The following NPLOC4 variants were observed in gnomAD, a reference collection of about 807,000 sequenced individuals.
NPLOC4 encodes the protein nuclear protein localization protein 4 homolog.
NPLOC4 carries 18 observed loss-of-function variants against 80.6 expected under a neutral mutation model. That is an observed-to-expected ratio of 0.22 (90% CI 0.15 to 0.33). NPLOC4 has a LOEUF of 0.33. Ranked by LOEUF, NPLOC4 falls within the 10% of genes least tolerant of loss-of-function variation. NPLOC4 has a pLI of 1.00. For synonymous variants in NPLOC4, 313 were observed against 301.5 expected, an observed-to-expected ratio of 1.04 and a Z score of -0.39; for missense variants, 540 against 786.1, an observed-to-expected ratio of 0.69 and a Z score of 3.74.
intron 6 of NPLOC4, among the ~76,000 whole-genome samples, chr17:81,607,045 C>A (rs924942530): frequency 3.1e-4 from 47 of 152,314 alleles, no homozygotes; most frequent in African/African-American, 1.1e-3. Context: ...CAGGAACACA[C>A]AACTACTTTC....
At position 81,604,820 on chromosome 17, in the gene NPLOC4, C is replaced by A. The variant is rs954829392; in HGVS notation, c.655-93G>T. On this transcript the variant is annotated intron_variant, in intron 7 of 16. Transcript: ENST00000331134. ...ACAAACCATTCATAAATATCTTTTA[C>A]CTAGTTCTTTAAAAAACAAACCAAT... 2.7e-5 allele frequency: 33 copies of A among 1,205,510 alleles called. 1 individual carries two copies. The Middle Eastern group carries it at 5.9e-4, about 21-fold the overall frequency. 74.7% of individuals were successfully genotyped at this position (1,205,510 alleles called of 1,614,324 possible). A position where few individuals can be genotyped will look rare whatever the true frequency, so the allele number is the denominator to read the frequency against.
intron 2 of NPLOC4, among the ~76,000 whole-genome samples, chr17:81,627,408 ATGCATGGTGGG>A (rs1158217200): frequency 6.7e-6 from 1 of 149,304 alleles, no homozygotes; most frequent in African/African-American, 2.5e-5. Context: ...AAAAAAATTG[ATGCATGGTGGG>A]GAACAAAAAT....
chr17:81,636,704 C>T (rs1318216238), intron 1 of NPLOC4, among the ~76,000 whole-genome samples: 1 of 152,152 alleles, frequency 6.6e-6, no homozygotes, highest in South Asian at 2.1e-4. Context: ...GAACCGGGGT[C>T]GTAAGTCCCC....
At chr17:81,600,513 T>A in intron 8 of NPLOC4, 86 bp from the exon 9 acceptor site, 1 of 992,848 alleles carries the variant, frequency 1.0e-6, no homozygotes, top group Non-Finnish European at 1.6e-6. Context: ...CAGCTCTAGG[T>A]CACAAGGAGT....
chr17:81,633,002 C>T (rs539530638), intron 1 of NPLOC4, among the ~76,000 whole-genome samples: 7 of 151,840 alleles, frequency 4.6e-5, no homozygotes, highest in South Asian at 2.1e-4. Flanking sequence ...TGGTGGAGGG[C>T]GCCTGTAGTC....
intron 2 of NPLOC4, among the ~76,000 whole-genome samples, chr17:81,624,203 G>C (rs768996359): frequency 6.6e-6 from 1 of 152,132 alleles, no homozygotes; most frequent in Non-Finnish European, 1.5e-5. Context: ...GGCGGATCAC[G>C]AGGTCAGGAG....
intron 14 of NPLOC4, 52 bp downstream of exon 14, chr17:81,568,964 G>C: frequency 8.8e-7 from 1 of 1,133,644 alleles, no homozygotes. Flanking sequence ...ACTGACACTA[G>C]ATAACAATCA....
intron 12 of NPLOC4, among the ~76,000 whole-genome samples, chr17:81,587,748 A>C (rs1406458333): frequency 1.4e-5 from 2 of 139,842 alleles, no homozygotes; most frequent in South Asian, 2.3e-4. Flanking sequence ...ATCTTAATGC[A>C]AGCTCCGCCT....
chr17:81,603,499 G>C (rs760582821), intron 8 of NPLOC4, among the ~76,000 whole-genome samples: 9 of 152,134 alleles, frequency 5.9e-5, no homozygotes, highest in Non-Finnish European at 1.3e-4. Context: ...AGAAGGCTGA[G>C]GCAGGAGGAT....
intron 3 of NPLOC4, among the ~76,000 whole-genome samples, chr17:81,615,439 C>T (rs2035455385): frequency 6.6e-6 from 1 of 152,204 alleles, no homozygotes; most frequent in African/African-American, 2.4e-5. Flanking sequence ...TATTCCTAAA[C>T]ACCATCTAAC....
chr17:81,588,089 A>G (rs2081626867), intron 12 of NPLOC4: 1 of 152,252 alleles, frequency 6.6e-6, no homozygotes, highest in African/African-American at 2.4e-5. Flanking sequence ...GATGAACAAT[A>G]TGCTGGATGA....
At chr17:81,625,924 A>G (rs62074734) in intron 2 of NPLOC4, among the ~76,000 whole-genome samples, 18,054 of 151,940 alleles carry the variant, frequency 0.12, 1,253 homozygotes, top group African/African-American at 0.19. Flanking sequence ...CGAGTTGGGC[A>G]GATCACCTGA....
chr17:81,584,219 A>G (rs775843971), intron 12 of NPLOC4, among the ~76,000 whole-genome samples: 5 of 152,334 alleles, frequency 3.3e-5, no homozygotes, highest in South Asian at 2.1e-4. Flanking sequence ...GCTCCAACTG[A>G]TATTTTCCTG....
rs1464991557 is a variant in NPLOC4 at position 81,610,253 on chromosome 17, C to T, written c.392G>A (p.Arg131His). Reference sequence around the variant, plus strand: ...CACGCATTTCCCCAAAGGGCCGTGGCGGCATCTGAGGAGAGTACAAGGCAG... The same window carrying T: ...CACGCATTTCCCCAAAGGGCCGTGGTGGCATCTGAGGAGAGTACAAGGCAG... ...IYRSRDPQLC[R>H]HGPLGKCVHC... Residue 131 changes from arginine to histidine, a missense_variant, in exon 5 of 17, where the codon CGC (arginine) becomes CAC (histidine). By Grantham distance (29) the Arg-to-His change is conservative. Around this residue, in one of 6 missense-constraint regions of NPLOC4, gnomAD observed 74 missense variants for 75.7 expected, o/e 0.98. Coordinates refer to ENST00000331134, the MANE Select transcript of NPLOC4 (RefSeq NM_017921.4). The T allele has an allele frequency of 1.2e-5, 19 of 1,571,814 alleles. No individual in the cohort carries two copies. The highest frequency in any genetic ancestry group is 2.4e-5 in the South Asian group (2 of 85,082).
At chr17:81,628,213 AAAAAAAAAAAG>A (rs202028445) in intron 2 of NPLOC4, among the ~76,000 whole-genome samples, 11,793 of 143,708 alleles carry the variant, frequency 0.082, 523 homozygotes, top group Middle Eastern at 0.18. Flanking sequence ...TCCCTCTCAT[AAAAAAAAAAAG>A]AAAAAAAAAA....
rs768108432 is a variant in NPLOC4 at position 81,636,934 on chromosome 17, G to A, written c.-4C>T. On this transcript the variant is annotated 5_prime_UTR_variant, in exon 1 of 17. Transcript: ENST00000331134. ...CACTCACGATGCTCTCGGCCATGGC[G>A]GCTGCTCCTGCCTCCGGGCTCGAGC... The A allele has an allele frequency of 6.3e-5, 86 of 1,373,518 alleles. No individual in the cohort carries two copies. In the African/African-American group the frequency reaches 1.2e-3, roughly 19 times the overall value. 85.1% of individuals were successfully genotyped at this position (1,373,518 alleles called of 1,614,324 possible). A position where few individuals can be genotyped will look rare whatever the true frequency, so the allele number is the denominator to read the frequency against.
In NPLOC4 at chr17:81,618,230, G is replaced by A. The variant is rs867859589; in HGVS notation, c.209+3936C>T. Reference sequence around the variant, plus strand: ...AAGTGAGGAGCGCCTCTTTCCGGCCGCCATCCCATCTAGGAAGTGAGGAGC... The same window carrying A: ...AAGTGAGGAGCGCCTCTTTCCGGCCACCATCCCATCTAGGAAGTGAGGAGC... On this transcript the variant is annotated intron_variant, in intron 3 of 16. Transcript: ENST00000331134. Among the ~76,000 whole-genome samples the A allele has an allele frequency of 6.3e-3, 955 of 151,696 alleles. 11 individuals carry two copies. Among genetic ancestry groups the A allele is most frequent in the African/African-American group, 0.02 (844 of 41,306 alleles).
At chr17:81,619,777 G>A (rs538548192) in intron 3 of NPLOC4, among the ~76,000 whole-genome samples, 1 of 151,526 alleles carries the variant, frequency 6.6e-6, no homozygotes, top group South Asian at 2.1e-4. Context: ...TACTCAGGAG[G>A]CTGAGGCAGG....
At chr17:81,623,464 C>CA (rs60092546) in intron 2 of NPLOC4, among the ~76,000 whole-genome samples, 32,273 of 81,928 alleles carry the variant, frequency 0.39, 7,717 homozygotes, top group Non-Finnish European at 0.46. Context: ...GACTTTGTTT[C>CA]AAAAAAAAAA....
Sources: allele counts gnomAD v4.1 joint callset (sites outside exome capture counted in the v4.1 genomes callset), GRCh38; gene constraint gnomAD v4.1.1; regional missense constraint gnomAD v4.1.1; transcripts MANE v1.5; gene names NCBI Gene and HGNC (gene_info 2026-07-23, HGNC 2026-07-21).